Variants in ACSL1 observed in about 807,000 individuals in gnomAD.
ACSL1 encodes the protein acyl-CoA synthetase long chain family member 1, also known as long-chain-fatty-acid--CoA ligase 1.
ACSL1 carries 41 observed loss-of-function variants against 98.4 expected under a neutral mutation model. That is an observed-to-expected ratio of 0.42 (90% CI 0.32 to 0.54). The LOEUF (loss-of-function observed/expected upper bound fraction) is 0.54. Ranked by LOEUF, ACSL1 falls within the 20% of genes least tolerant of loss-of-function variation. The probability of loss-of-function intolerance (pLI) is 0.13; values close to 1 mark genes in which losing one functional copy is unlikely to be tolerated. For missense variants in ACSL1, 734 were observed against 883.1 expected (o/e 0.83, Z 2.14); for synonymous variants, 316 against 322.7 (o/e 0.98, Z 0.22).
chr4:184,756,962 C>G lies in ACSL1; in HGVS notation c.*163G>C. On this transcript the variant is annotated 3_prime_UTR_variant, in exon 21 of 21. Coordinates refer to ENST00000281455, the MANE Select transcript of ACSL1 (RefSeq NM_001995.5). ...CATGAGGTGACTGTAAGGCAGTGTTCTCTTTCCTCTAGCATTCCTATGAGA... is the reference window on the plus strand; with the variant it reads ...CATGAGGTGACTGTAAGGCAGTGTTGTCTTTCCTCTAGCATTCCTATGAGA... 1.2e-6 allele frequency: 1 copy of G among 816,800 alleles called. No homozygotes were observed. The highest frequency in any genetic ancestry group is 2.5e-5 in the East Asian group (1 of 39,216). 50.6% of individuals were successfully genotyped at this position (816,800 alleles called of 1,614,324 possible). A position where few individuals can be genotyped will look rare whatever the true frequency, so the allele number is the denominator to read the frequency against.
intron 3 of ACSL1, among the ~76,000 whole-genome samples, chr4:184,784,964 T>G (rs1182578439): frequency 2.6e-5 from 4 of 152,190 alleles, no homozygotes; most frequent in African/African-American, 9.7e-5. Context: ...TGCTTCCAGA[T>G]GGGAAAAAAA....
chr4:184,796,176 C>T (rs1419245466), intron 2 of ACSL1, among the ~76,000 whole-genome samples: 3 of 152,196 alleles, frequency 2.0e-5, no homozygotes, highest in Admixed American at 1.3e-4. Flanking sequence ...CTTAGCCTCC[C>T]AGCCTACATC....
At chr4:184,770,215 G>T in intron 11 of ACSL1, 184 bp downstream of exon 11, 1 of 1,511,250 alleles carries the variant, frequency 6.6e-7, no homozygotes, top group Non-Finnish European at 8.9e-7. Flanking sequence ...GCTGAGCAGA[G>T]AATTCTCTAT....
chr4:184,797,381 T>C (rs1769605077), intron 2 of ACSL1, among the ~76,000 whole-genome samples: 1 of 152,206 alleles, frequency 6.6e-6, no homozygotes, highest in African/African-American at 2.4e-5. Context: ...GTGTGAAGTA[T>C]GGTTACGTGG....
intron 3 of ACSL1, among the ~76,000 whole-genome samples, chr4:184,786,939 G>A (rs545828011): frequency 5.2e-4 from 79 of 152,218 alleles, no homozygotes; most frequent in African/African-American, 1.9e-3. Flanking sequence ...TGACCTGCCC[G>A]CCTTGGCCTC....
intron 1 of ACSL1, among the ~76,000 whole-genome samples, chr4:184,814,099 G>A (rs1230881948): frequency 6.6e-6 from 1 of 152,014 alleles, no homozygotes; most frequent in Non-Finnish European, 1.5e-5. Flanking sequence ...GACCATCCTG[G>A]CTCACACGGT....
At position 184,773,403 on chromosome 4, in the gene ACSL1, T is replaced by C. The variant is rs1437906424; in HGVS notation, c.842-249A>G. Among the ~76,000 whole-genome samples the C allele has an allele frequency of 6.6e-6, 1 of 152,204 alleles. No homozygotes were observed. The highest frequency in any genetic ancestry group is 1.5e-5 in the Non-Finnish European group (1 of 68,038). On this transcript the variant is annotated intron_variant, in intron 9 of 20. Coordinates refer to ENST00000281455, the MANE Select transcript of ACSL1 (RefSeq NM_001995.5). This position sits in a 1 kb window ranked among gnomAD's most constrained non-coding sequence, Gnocchi z 4.3. ...AAGAGAAGAAAAACCAGAAATTTTC[T>C]TCCTGGGAGCCACCGATATAGTCTG...
chr4:184,762,735 G>A (rs145242461), intron 16 of ACSL1, among the ~76,000 whole-genome samples: 12 of 152,326 alleles, frequency 7.9e-5, no homozygotes, highest in Admixed American at 2.0e-4. Context: ...AGCTCTGGCC[G>A]ATTTGTAGGG....
intron 17 of ACSL1, among the ~76,000 whole-genome samples, chr4:184,762,133 A>G (rs1194874932): frequency 6.7e-6 from 1 of 149,938 alleles, no homozygotes; most frequent in East Asian, 2.0e-4. Context: ...TTCCGTCTCA[A>G]AAAAAAAAAA....
intron 1 of ACSL1, chr4:184,813,577 C>A: frequency 4.0e-6 from 1 of 250,378 alleles, no homozygotes; most frequent in South Asian, 4.1e-5. Context: ...GTCTCTATGA[C>A]CGCAAGTTGA....
chr4:184,764,960 A>G, intron 14 of ACSL1, 35 bp from the exon 15 acceptor site: 2 of 1,598,806 alleles, frequency 1.3e-6, no homozygotes, highest in South Asian at 1.1e-5. Context: ...TATTAAGGAG[A>G]GCACAATCAC....
chr4:184,775,134 T>C (rs1365574819), intron 7 of ACSL1, among the ~76,000 whole-genome samples: 1 of 152,158 alleles, frequency 6.6e-6, no homozygotes, highest in Non-Finnish European at 1.5e-5. Flanking sequence ...ACAGTATCAC[T>C]TAGGAAAAAT....
At chr4:184,785,920 G>C (rs902817167) in intron 3 of ACSL1, among the ~76,000 whole-genome samples, 1 of 152,162 alleles carries the variant, frequency 6.6e-6, no homozygotes, top group Non-Finnish European at 1.5e-5. Context: ...TTTTTCCTGG[G>C]AACTCTGGGT....
intron 2 of ACSL1, among the ~76,000 whole-genome samples, chr4:184,797,388 G>A (rs767187481): frequency 3.3e-5 from 5 of 152,212 alleles, no homozygotes; most frequent in African/African-American, 7.2e-5. Context: ...GTATGGTTAC[G>A]TGGAAATGAG....
chr4:184,810,032 A>G (rs1771888746), intron 1 of ACSL1, among the ~76,000 whole-genome samples: 1 of 152,206 alleles, frequency 6.6e-6, no homozygotes, highest in Non-Finnish European at 1.5e-5. Context: ...CCAAGTCACA[A>G]GAACACATTT....
At chr4:184,810,084 C>T (rs1365041738) in intron 1 of ACSL1, among the ~76,000 whole-genome samples, 1 of 152,210 alleles carries the variant, frequency 6.6e-6, no homozygotes, top group Non-Finnish European at 1.5e-5. Context: ...TATGGGTCCA[C>T]ATTTATCTAA....
At chr4:184,770,183 T>A in intron 11 of ACSL1, 1 of 1,315,912 alleles carries the variant, frequency 7.6e-7, no homozygotes, top group Non-Finnish European at 1.0e-6. Context: ...TTTCAAATAA[T>A]CTGCACCATT....
At chr4:184,823,745 G>A (rs1192881229) in intron 1 of ACSL1, among the ~76,000 whole-genome samples, 1 of 152,210 alleles carries the variant, frequency 6.6e-6, no homozygotes, top group Non-Finnish European at 1.5e-5. Flanking sequence ...TACATCAAAT[G>A]CTAAATGTCA....
intron 15 of ACSL1, among the ~76,000 whole-genome samples, chr4:184,764,436 C>A (rs1476012349): frequency 6.6e-6 from 1 of 152,136 alleles, no homozygotes; most frequent in African/African-American, 2.4e-5. Flanking sequence ...GTATTTATTC[C>A]TATTGGTAGT....
Sources: gnomAD v4.1 joint callset for allele counts (sites outside exome capture counted in the v4.1 genomes callset) on GRCh38, gnomAD v4.1.1 for gene constraint, Gnocchi (gnomAD v3.1) non-coding constraint, MANE v1.5 for transcripts, NCBI Gene and HGNC (gene_info 2026-07-23, HGNC 2026-07-21) for gene names.